ENPP1: variants seen among roughly 807,000 people sequenced by gnomAD.
The protein encoded by ENPP1 is ectonucleotide pyrophosphatase/phosphodiesterase 1, also known as ectonucleotide pyrophosphatase/phosphodiesterase family member 1.
ENPP1 carries 73 observed loss-of-function variants against 122.8 expected under a neutral mutation model. The observed-to-expected ratio is 0.59, with a 90% CI of 0.49 to 0.72. The LOEUF (loss-of-function observed/expected upper bound fraction) is 0.72, where lower values mean the gene tolerates loss of function less well. Ranked by LOEUF, ENPP1 falls within the 30% of genes least tolerant of loss-of-function variation. ENPP1 has a pLI of 0.00. For synonymous variants in ENPP1, 367 were observed against 391.6 expected (o/e 0.94, Z 0.74); for missense variants, 978 against 1,128.1 (o/e 0.87, Z 1.91).
At position 131,808,106 on chromosome 6, in the gene ENPP1, C is replaced by G; in HGVS notation, c.71C>G (p.Pro24Arg). 2 of 1,214,082 alleles carry G rather than the reference C, an allele frequency of 1.6e-6. No individual in the cohort carries two copies. The highest frequency in any genetic ancestry group is 6.6e-4 in the Middle Eastern group (2 of 3,046). 75.2% of individuals were successfully genotyped at this position (1,214,082 alleles called of 1,614,324 possible). ...GEGGRAPREGPAGNGRDRGRS... is the reference protein window; with the variant it reads ...GEGGRAPREGRAGNGRDRGRS... ...GGCGGGCGCGCTCCCCGGGAGGGCC[C>G]GGCGGGGAACGGCCGCGATCGGGGC... The change falls in exon 1 of 25, where the codon CCG becomes CGG. Residue 24 changes from proline (P) to arginine (R), a missense_variant. Pro to Arg is a moderately radical substitution (Grantham distance 103). Transcript: ENST00000647893.
At chr6:131,848,944 G>A (rs1212823790) in intron 2 of ENPP1, among the ~76,000 whole-genome samples, 1 of 152,074 alleles carries the variant, frequency 6.6e-6, no homozygotes, top group Non-Finnish European at 1.5e-5. Context: ...AAATTCCATG[G>A]CAGTGTCTTT....
chr6:131,857,829 G>C (rs111506646), intron 6 of ENPP1, among the ~76,000 whole-genome samples: 16 of 152,182 alleles, frequency 1.1e-4, no homozygotes, highest in African/African-American at 3.9e-4. Flanking sequence ...ACAGCCCTTT[G>C]TTACCATTAT....
intron 16 of ENPP1, 127 bp downstream of exon 16, chr6:131,874,464 G>A: frequency 7.8e-6 from 5 of 637,524 alleles, no homozygotes; most frequent in Non-Finnish European, 1.4e-5. Flanking sequence ...CTTTCATAAA[G>A]CTATTTTTCT....
chr6:131,839,527 A>C (rs1171445495), intron 1 of ENPP1, among the ~76,000 whole-genome samples: 1 of 152,210 alleles, frequency 6.6e-6, no homozygotes, highest in Non-Finnish European at 1.5e-5. Context: ...CAGAATGAGG[A>C]AGAGTTTACT....
intron 22 of ENPP1, among the ~76,000 whole-genome samples, chr6:131,884,327 C>T (rs899560836): frequency 1.1e-4 from 16 of 152,030 alleles, no homozygotes; most frequent in African/African-American, 2.4e-5. Context: ...TTTGTGTTTG[C>T]GATGTTGCTA....
chr6:131,836,573 C>A (rs143906675), intron 1 of ENPP1, among the ~76,000 whole-genome samples: 1 of 152,092 alleles, frequency 6.6e-6, no homozygotes, highest in African/African-American at 2.4e-5. Context: ...CCCCACTTAC[C>A]AAATAATAGA....
intron 1 of ENPP1, among the ~76,000 whole-genome samples, chr6:131,810,088 G>A (rs531686828): frequency 1.3e-5 from 2 of 152,316 alleles, no homozygotes; most frequent in East Asian, 3.9e-4. Flanking sequence ...ACCTGGTGCG[G>A]TGACTCATAC....
intron 5 of ENPP1, among the ~76,000 whole-genome samples, chr6:131,854,454 G>A (rs1386345552): frequency 6.6e-6 from 1 of 151,812 alleles, no homozygotes; most frequent in Non-Finnish European, 1.5e-5. Flanking sequence ...AAAATAGTGT[G>A]TAATGTATAT....
chr6:131,837,057 A>G (rs924931953), intron 1 of ENPP1, among the ~76,000 whole-genome samples: 16 of 152,028 alleles, frequency 1.1e-4, no homozygotes, highest in Non-Finnish European at 1.6e-4. Flanking sequence ...TTATGTTGCC[A>G]TTAGCCTACT....
At chr6:131,840,467 C>T (rs894558670) in intron 1 of ENPP1, among the ~76,000 whole-genome samples, 3 of 152,200 alleles carry the variant, frequency 2.0e-5, no homozygotes, top group Admixed American at 6.5e-5. Context: ...TGGAAGAATC[C>T]GTAGTGGGCC....
Position 131,877,176 on chromosome 6 carries a change from G to C in ENPP1, c.1893+15G>C, listed in dbSNP as rs1334554911. Reference sequence around the variant, plus strand: ...GTAACCCTTCGGTAAGTATCGTCAAGAAGTTTGGTCCAGTATGTATGGTTT... The same window carrying C: ...GTAACCCTTCGGTAAGTATCGTCAACAAGTTTGGTCCAGTATGTATGGTTT... On this transcript the variant is annotated intron_variant, in intron 18 of 24. Transcript: ENST00000647893. 1.2e-6 allele frequency: 2 copies of C among 1,612,052 alleles called. No individual in the cohort carries two copies. The highest frequency in any genetic ancestry group is 2.7e-5 in the African/African-American group (2 of 75,022).
chr6:131,889,740 G>A (rs1275001896), intron 24 of ENPP1, among the ~76,000 whole-genome samples: 2 of 152,130 alleles, frequency 1.3e-5, no homozygotes, highest in African/African-American at 4.8e-5. Flanking sequence ...GAATAGTGCT[G>A]CACTGAACAT....
At chr6:131,887,864 CTT>C (rs576073873) in intron 24 of ENPP1, among the ~76,000 whole-genome samples, 1,206 of 104,600 alleles carry the variant, frequency 0.012, 27 homozygotes, top group African/African-American at 0.045. Flanking sequence ...CGTGCCTGGC[CTT>C]TTTTTTTTTT....
intron 18 of ENPP1, chr6:131,877,863 AAAAATATATATATATAT>A (rs1420827729): frequency 1.9e-5 from 2 of 104,310 alleles, no homozygotes; most frequent in Non-Finnish European, 3.9e-5. Context: ...AAAAAAAAAA[AAAAATATATATATATAT>A]ATATATATAT....
chr6:131,834,219 G>C (rs1364449563), intron 1 of ENPP1, among the ~76,000 whole-genome samples: 1 of 152,236 alleles, frequency 6.6e-6, no homozygotes, highest in Non-Finnish European at 1.5e-5. Context: ...GAAGTTATAG[G>C]TGCTGGTTAA....
chr6:131,833,153 A>T (rs1781634336), intron 1 of ENPP1, among the ~76,000 whole-genome samples: 1 of 152,188 alleles, frequency 6.6e-6, no homozygotes, highest in African/African-American at 2.4e-5. Flanking sequence ...ACCTTTTAGA[A>T]AGGAACTTAC....
intron 9 of ENPP1, among the ~76,000 whole-genome samples, chr6:131,862,084 A>G (rs1469108156): frequency 6.6e-6 from 1 of 152,076 alleles, no homozygotes; most frequent in Non-Finnish European, 1.5e-5. Flanking sequence ...CAGGAGAATC[A>G]CTTGAACCTG....
At chr6:131,808,372 C>T in intron 1 of ENPP1, 97 bp downstream of exon 1, 2 of 1,344,788 alleles carry the variant, frequency 1.5e-6, no homozygotes, top group Non-Finnish European at 9.7e-7. Context: ...GCACCGGGCA[C>T]CGGAGAGAGG....
At chr6:131,809,879 A>G (rs758021846) in intron 1 of ENPP1, among the ~76,000 whole-genome samples, 2 of 152,228 alleles carry the variant, frequency 1.3e-5, no homozygotes, top group Non-Finnish European at 2.9e-5. Context: ...AACTGGTCAA[A>G]CAGCATTCTG....
Sources: gnomAD v4.1 joint callset for allele counts (sites outside exome capture counted in the v4.1 genomes callset) on GRCh38, gnomAD v4.1.1 for gene constraint, MANE v1.5 for transcripts, NCBI Gene and HGNC (gene_info 2026-07-23, HGNC 2026-07-21) for gene names.